CDH13: variants seen among roughly 807,000 people sequenced by gnomAD.
CDH13 encodes cadherin 13, also known as cadherin-13.
In CDH13, 24 loss-of-function variants were observed where a neutral mutation model predicts 63.8. That is an observed-to-expected ratio of 0.38 (90% CI 0.27 to 0.53). The LOEUF is 0.53. CDH13 is among the 20% of genes least tolerant of loss of function. The pLI, the probability that CDH13 is intolerant of heterozygous loss-of-function variation, is 0.85. For missense variants in CDH13, 1,049 were observed against 903.1 expected (o/e 1.16, Z -2.07); for synonymous variants, 503 against 355.3 (o/e 1.42, Z -4.67).
intron 2 of CDH13, among the ~76,000 whole-genome samples, chr16:82,901,797 C>G (rs1404199920): frequency 6.6e-6 from 1 of 152,128 alleles, no homozygotes; most frequent in African/African-American, 2.4e-5. Flanking sequence ...AAACAAAAGA[C>G]AAAGGTCTTG....
chr16:82,895,198 G>A (rs915776076), intron 2 of CDH13, among the ~76,000 whole-genome samples: 4 of 152,086 alleles, frequency 2.6e-5, no homozygotes, highest in East Asian at 1.9e-4. Context: ...TTAAGCAGCC[G>A]TTCTGCATTC....
intron 2 of CDH13, among the ~76,000 whole-genome samples, chr16:82,912,377 G>A (rs1393117588): frequency 6.6e-6 from 1 of 152,136 alleles, no homozygotes. Flanking sequence ...ACAATAACCA[G>A]TAACTCCATG....
At chr16:82,967,704 T>C (rs1318291611) in intron 2 of CDH13, among the ~76,000 whole-genome samples, 1 of 152,184 alleles carries the variant, frequency 6.6e-6, no homozygotes, top group Admixed American at 6.5e-5. Context: ...GTTGTTGCAT[T>C]TGTGGCAAGA....
chr16:82,682,697 G>A, intron 1 of CDH13, among the ~76,000 whole-genome samples: 1 of 152,268 alleles, frequency 6.6e-6, no homozygotes, highest in East Asian at 1.9e-4. Flanking sequence ...TCTTGGAGGT[G>A]GACACAAAGT....
chr16:82,836,069 C>A (rs1016959170), intron 1 of CDH13, among the ~76,000 whole-genome samples: 2 of 152,096 alleles, frequency 1.3e-5, no homozygotes, highest in Admixed American at 1.3e-4. Context: ...CTTTTCAGGG[C>A]CCTAAGTGTG....
intron 6 of CDH13, among the ~76,000 whole-genome samples, chr16:83,438,053 G>C (rs981900223): frequency 2.0e-5 from 3 of 152,080 alleles, no homozygotes; most frequent in African/African-American, 7.2e-5. Context: ...CCCTGTGCTA[G>C]AGTGGACTCT....
intron 6 of CDH13, among the ~76,000 whole-genome samples, chr16:83,403,527 A>G (rs946315475): frequency 6.6e-6 from 1 of 152,100 alleles, no homozygotes; most frequent in East Asian, 1.9e-4. Flanking sequence ...GGAGGCTGAG[A>G]CAGGAGAGTG....
chr16:82,964,141 G>A (rs575111869), intron 2 of CDH13, among the ~76,000 whole-genome samples: 1 of 152,262 alleles, frequency 6.6e-6, no homozygotes, highest in Admixed American at 6.5e-5. Flanking sequence ...AGATCACTGA[G>A]ATCTCATAAA....
chr16:83,333,220 G>T (rs972121882), intron 5 of CDH13, among the ~76,000 whole-genome samples: 1 of 152,054 alleles, frequency 6.6e-6, no homozygotes, highest in Non-Finnish European at 1.5e-5. Context: ...ATAAAACTAA[G>T]AAAAATAGCT....
At chr16:82,796,575 C>A (rs2036591441) in intron 1 of CDH13, among the ~76,000 whole-genome samples, 1 of 152,160 alleles carries the variant, frequency 6.6e-6, no homozygotes, top group South Asian at 2.1e-4. Context: ...TTATTTCATA[C>A]CTTTGACCTT....
chr16:82,806,638 T>C (rs916130992), intron 1 of CDH13, among the ~76,000 whole-genome samples: 8 of 152,118 alleles, frequency 5.3e-5, no homozygotes, highest in Non-Finnish European at 1.2e-4. Context: ...GGAACCCCAG[T>C]TGAATAATGG....
chr16:82,726,266 T>G (rs926789505), intron 1 of CDH13, among the ~76,000 whole-genome samples: 2 of 152,156 alleles, frequency 1.3e-5, no homozygotes, highest in African/African-American at 4.8e-5. Context: ...AGTAAATATT[T>G]TAGCCTTGGC....
intron 2 of CDH13, among the ~76,000 whole-genome samples, chr16:83,001,170 C>CA (rs538042021): frequency 1.3e-5 from 2 of 152,118 alleles, no homozygotes; most frequent in Non-Finnish European, 2.9e-5. Context: ...ATATTTATTC[C>CA]AAAAAACCCC....
At chr16:83,709,402 C>G (rs1325429986) in intron 10 of CDH13, among the ~76,000 whole-genome samples, 3 of 152,202 alleles carry the variant, frequency 2.0e-5, no homozygotes, top group African/African-American at 7.2e-5. Flanking sequence ...CGGACTCCCT[C>G]TATAATCAGT....
chr16:83,700,963 C>G (rs1282032846), intron 10 of CDH13, among the ~76,000 whole-genome samples: 2 of 152,248 alleles, frequency 1.3e-5, no homozygotes, highest in East Asian at 1.9e-4. Flanking sequence ...TATTTACACC[C>G]TCTTCCCCTT....
At chr16:83,715,150 G>A (rs759558775) in intron 10 of CDH13, among the ~76,000 whole-genome samples, 1 of 152,288 alleles carries the variant, frequency 6.6e-6, no homozygotes, top group East Asian at 1.9e-4. Context: ...ATGAAATGGA[G>A]CTTTATTGCT....
chr16:82,899,303 G>A (rs914704483), intron 2 of CDH13, among the ~76,000 whole-genome samples: 2 of 152,176 alleles, frequency 1.3e-5, no homozygotes, highest in Admixed American at 1.3e-4. Flanking sequence ...GAGTCCACTA[G>A]AAGACAATTT....
chr16:83,528,586 G>A (rs1350079514), intron 7 of CDH13, among the ~76,000 whole-genome samples: 1 of 152,092 alleles, frequency 6.6e-6, no homozygotes, highest in African/African-American at 2.4e-5. Flanking sequence ...TTTCAAAAGG[G>A]ATTTCTACTA....
chr16:83,260,156 C>CA (rs1906810160), intron 5 of CDH13, among the ~76,000 whole-genome samples: 1 of 137,678 alleles, frequency 7.3e-6, no homozygotes, highest in African/African-American at 2.6e-5. Context: ...TCTCTCAAAA[C>CA]AAAGTTTACA....
Sources: gnomAD v4.1 joint callset for allele counts (sites outside exome capture counted in the v4.1 genomes callset) on GRCh38, gnomAD v4.1.1 for gene constraint, MANE v1.5 for transcripts, NCBI Gene and HGNC (gene_info 2026-07-23, HGNC 2026-07-21) for gene names.